HERC3: variants seen among roughly 807,000 people sequenced by gnomAD.
The protein encoded by HERC3 is probable E3 ubiquitin-protein ligase HERC3.
In HERC3, 58 loss-of-function variants were observed where a neutral mutation model predicts 129.9. The observed-to-expected ratio is 0.45, with a 90% CI of 0.36 to 0.56. The LOEUF is 0.56. HERC3 is among the 20% of genes least tolerant of loss of function. The pLI, the probability that HERC3 is intolerant of heterozygous loss-of-function variation, is 0.00. For missense variants in HERC3, 835 were observed against 1,244.2 expected (o/e 0.67, Z 4.95); for synonymous variants, 430 against 451.0 (o/e 0.95, Z 0.59).
chr4:88,704,088 G>T lies in HERC3; in HGVS notation c.2658-10G>T. 1 of 1,612,804 alleles carries T rather than the reference G, an allele frequency of 6.2e-7. No homozygotes were observed. The highest frequency in any genetic ancestry group is 8.5e-7 in the Non-Finnish European group (1 of 1,179,132). ...TTGAGCTAAATGTATTTTCTTTTGT[G>T]TTCTGGCAGGCAGGAATTTGTGGAT... On this transcript the variant is annotated splice_polypyrimidine_tract_variant and intron_variant, in intron 23 of 25. Transcript: ENST00000402738.
rs578024894 is a variant in HERC3 at position 88,647,107 on chromosome 4, G to T, written c.227-2733G>T. ...GTGCGGCTGGTGAGTGATGGGACAG[G>T]AATTGGTTTGCCTAGAGATTGACGT... On this transcript the variant is annotated intron_variant, in intron 3 of 25. Coordinates refer to ENST00000402738, the MANE Select transcript of HERC3 (RefSeq NM_014606.3). Among the ~76,000 whole-genome samples, 4 of 152,286 alleles carry T rather than the reference G, an allele frequency of 2.6e-5. No homozygotes were observed. The South Asian group carries it at 6.2e-4, about 24-fold the overall frequency.
At chr4:88,643,861 A>C (rs1206822888) in intron 3 of HERC3, among the ~76,000 whole-genome samples, 1 of 152,222 alleles carries the variant, frequency 6.6e-6, no homozygotes, top group East Asian at 1.9e-4. Context: ...GACACCAAAA[A>C]CATAATCCAT....
At chr4:88,615,299 ATC>A (rs1442572689) in intron 3 of HERC3, among the ~76,000 whole-genome samples, 1 of 152,126 alleles carries the variant, frequency 6.6e-6, no homozygotes, top group Non-Finnish European at 1.5e-5. Flanking sequence ...AATGGGGTAT[ATC>A]TGGTCAGCTG....
chr4:88,706,694 T>C, intron 25 of HERC3, 58 bp from the exon 26 acceptor site: 10 of 1,408,026 alleles, frequency 7.1e-6, no homozygotes, highest in Non-Finnish European at 9.0e-6. Context: ...GCCAGAAGGA[T>C]CTCTGAGATC....
At chr4:88,626,277 G>C (rs775284849) in intron 3 of HERC3, among the ~76,000 whole-genome samples, 3 of 151,786 alleles carry the variant, frequency 2.0e-5, no homozygotes, top group Non-Finnish European at 4.4e-5. Context: ...GAACTCCTGG[G>C]ATCTAGTGAT....
chr4:88,545,432 T>C, the HERC3 span, among the ~76,000 whole-genome samples: 13 of 105,200 alleles, frequency 1.2e-4, 1 homozygote, highest in East Asian at 2.6e-3. Flanking sequence ...TGAGAATTCT[T>C]TTTTTTTTTT....
Position 88,681,214 on chromosome 4 carries a change from T to G in HERC3, c.2396T>G (p.Ile799Ser). 6.2e-7 allele frequency: 1 copy of G among 1,613,974 alleles called. No homozygotes were observed. The highest frequency in any genetic ancestry group is 8.5e-7 in the Non-Finnish European group (1 of 1,179,834). Residue 799 changes from isoleucine (I) to serine (S), a missense_variant, in exon 21 of 26, where the codon ATC (isoleucine) becomes AGC (serine). Transcript: ENST00000402738. ...HLIGITCGLA[I>S]YNSTVVDLHF... The stretch of plus-strand genomic sequence containing the variant: ...ATTGGTATAACCTGTGGACTAGCTA[T>G]CTACAACTCCACTGTGGTCGATCTC...
chr4:88,680,311 C>T (rs1367289593), intron 20 of HERC3, 75 bp downstream of exon 20: 1 of 1,157,940 alleles, frequency 8.6e-7, no homozygotes, highest in Non-Finnish European at 1.2e-6. Context: ...AATCCCCTAA[C>T]TTCTAACTTT....
intron 18 of HERC3, among the ~76,000 whole-genome samples, chr4:88,677,338 G>A (rs1732275215): frequency 6.6e-6 from 1 of 152,064 alleles, no homozygotes. Context: ...TTATTATAAA[G>A]TATAATTGAT....
chr4:88,545,430 C>CCTTTTTTTTTTTTTTTTTTTT, the HERC3 span, among the ~76,000 whole-genome samples: 71 of 110,396 alleles, frequency 6.4e-4, 7 homozygotes, highest in East Asian at 8.3e-3. Context: ...TTTGAGAATT[C>CCTTTTTTTTTTTTTTTTTTTT]TTTTTTTTTT....
intron 3 of HERC3, among the ~76,000 whole-genome samples, chr4:88,624,823 T>G (rs1018263436): frequency 7.2e-5 from 11 of 152,218 alleles, no homozygotes; most frequent in African/African-American, 2.7e-4. Context: ...TCTTGAAATT[T>G]TATAGTTTAG....
At chr4:88,642,219 GA>G (rs1655676772) in intron 3 of HERC3, among the ~76,000 whole-genome samples, 1 of 150,748 alleles carries the variant, frequency 6.6e-6, no homozygotes, top group South Asian at 2.1e-4. Context: ...CAAGCATTTA[GA>G]TAAGAAATGA....
chr4:88,590,928 C>T (rs1200235469), upstream of HERC3, among the ~76,000 whole-genome samples: 1 of 150,342 alleles, frequency 6.7e-6, no homozygotes, highest in Non-Finnish European at 1.5e-5. Flanking sequence ...TTCTGTTGCC[C>T]AGGCTGGAGT....
intron 12 of HERC3, 119 bp from the exon 13 acceptor site, chr4:88,667,258 A>G: frequency 2.1e-6 from 1 of 486,998 alleles, no homozygotes; most frequent in Non-Finnish European, 3.7e-6. Flanking sequence ...TGTGGATCTT[A>G]TCTGCCAGAT....
chr4:88,664,245 G>T (rs745672223), intron 12 of HERC3, 33 bp downstream of exon 12: 1 of 1,548,922 alleles, frequency 6.5e-7, no homozygotes, highest in African/African-American at 1.4e-5. Context: ...AAACCCTCAC[G>T]TGTACCTGTA....
the HERC3 span, among the ~76,000 whole-genome samples, chr4:88,586,909 A>G: frequency 1.3e-5 from 2 of 152,218 alleles, no homozygotes; most frequent in South Asian, 4.1e-4. Context: ...ATGAACCTTG[A>G]GGTTACTTCT....
chr4:88,613,950 T>C (rs1724627522), intron 3 of HERC3, among the ~76,000 whole-genome samples: 1 of 126,924 alleles, frequency 7.9e-6, no homozygotes, highest in South Asian at 2.7e-4. Flanking sequence ...TGTGGGATAA[T>C]TGATCGGAAT....
At chr4:88,667,609 G>A in intron 13 of HERC3, 121 bp downstream of exon 13, 1 of 671,634 alleles carries the variant, frequency 1.5e-6, no homozygotes, top group Non-Finnish European at 2.5e-6. Flanking sequence ...ATTTTGTAAA[G>A]TATTTACTCT....
At chr4:88,576,347 G>C in the HERC3 span, among the ~76,000 whole-genome samples, 6 of 152,096 alleles carry the variant, frequency 3.9e-5, no homozygotes, top group African/African-American at 7.2e-5. Flanking sequence ...ATAAAATCAA[G>C]GTCCCCAGAA....
Sources: allele counts gnomAD v4.1 joint callset (sites outside exome capture counted in the v4.1 genomes callset), GRCh38; gene constraint gnomAD v4.1.1; transcripts MANE v1.5; gene names NCBI Gene and HGNC (gene_info 2026-07-23, HGNC 2026-07-21).